Variants in ESF1 observed in about 807,000 individuals in gnomAD.
The protein encoded by ESF1 is ESF1 homolog.
Under a neutral mutation model 92.0 loss-of-function variants are expected in ESF1, and 58 were observed. The observed-to-expected ratio is 0.63, with a 90% CI of 0.51 to 0.78. The LOEUF is 0.78. Among genes scored for constraint, ESF1 ranks in the 30% least tolerant of loss-of-function variants. ESF1 has a pLI of 0.00. For synonymous variants in ESF1, 321 were observed against 313.7 expected (o/e 1.02, Z -0.24); for missense variants, 922 against 989.1 (o/e 0.93, Z 0.91).
intron 9 of ESF1, among the ~76,000 whole-genome samples, chr20:13,747,942 T>C (rs1030886065): frequency 6.6e-5 from 10 of 152,232 alleles, no homozygotes; most frequent in Admixed American, 1.3e-4. Context: ...CATGTTACTA[T>C]ACTGAATGCT....
chr20:13,727,266 T>C (rs2049906841), intron 11 of ESF1, among the ~76,000 whole-genome samples: 2 of 152,206 alleles, frequency 1.3e-5, no homozygotes, highest in Admixed American at 1.3e-4. Context: ...CACTCAGGTA[T>C]GATAAAAAGC....
chr20:13,741,777 T>C (rs1401986393), intron 9 of ESF1, among the ~76,000 whole-genome samples: 1 of 152,144 alleles, frequency 6.6e-6, no homozygotes, highest in Non-Finnish European at 1.5e-5. Flanking sequence ...TCTGACAATA[T>C]TAAAATCAAG....
intron 2 of ESF1, 81 bp downstream of exon 2, chr20:13,782,423 T>C (rs1166031082): frequency 7.6e-6 from 9 of 1,177,852 alleles, no homozygotes; most frequent in African/African-American, 1.6e-5. Flanking sequence ...AAAATACTTA[T>C]TAATGTGTTT....
Position 13,730,134 on chromosome 20 carries a change from G to A in ESF1, c.1951-1669C>T, listed in dbSNP as rs956735867. 4.6e-5 allele frequency among the ~76,000 whole-genome samples: 7 copies of A among 151,144 alleles called. No homozygotes were observed. In the South Asian group the frequency reaches 6.3e-4, roughly 14 times the overall value. Reference sequence around the variant, plus strand: ...GTTGCCCAGGCTGGCTTGCAGTGGCGTGACCTCAGTTCACTGCAACCTCTG... The same window carrying A: ...GTTGCCCAGGCTGGCTTGCAGTGGCATGACCTCAGTTCACTGCAACCTCTG... On this transcript the variant is annotated intron_variant, in intron 10 of 13. Transcript: ENST00000617257.
At position 13,714,939 on chromosome 20, in the gene ESF1, A is replaced by G. The variant is rs2049813075; in HGVS notation, c.2491T>C (p.Leu831=). The change falls in exon 14 of 14, where the codon TTG becomes CTG. Residue 831 remains leucine (L), a synonymous_variant. Coordinates refer to ENST00000617257, the MANE Select transcript of ESF1 (RefSeq NM_001276380.2). ...RKSIDPALSM[L]IKSIKTKTEQ... is the part of the protein sequence containing the mutation. ...GTTTTGGTTTTTATAGATTTAATCA[A>G]CATTGACAAAGCAGGATCAATGGAC... The G allele has an allele frequency of 6.2e-7, 1 of 1,613,736 alleles. No individual in the cohort carries two copies. Among genetic ancestry groups the G allele is most frequent in the East Asian group, 2.2e-5 (1 of 44,882 alleles).
At chr20:13,762,036 T>C (rs1165211234) in intron 8 of ESF1, among the ~76,000 whole-genome samples, 1 of 152,236 alleles carries the variant, frequency 6.6e-6, no homozygotes, top group Non-Finnish European at 1.5e-5. Context: ...GTTAACAGAT[T>C]GTCCTTGTAT....
chr20:13,720,954 C>A (rs2049864185), intron 11 of ESF1, among the ~76,000 whole-genome samples: 1 of 152,134 alleles, frequency 6.6e-6, no homozygotes, highest in African/African-American at 2.4e-5. Context: ...AACTCTGTCT[C>A]TATTAATAAT....
chr20:13,783,607 G>A (rs1424024330), intron 1 of ESF1, among the ~76,000 whole-genome samples: 1 of 152,178 alleles, frequency 6.6e-6, no homozygotes, highest in Non-Finnish European at 1.5e-5. Flanking sequence ...GATCACTTGA[G>A]CCCAGGAGTT....
chr20:13,715,117 G>A lies in ESF1; in HGVS notation c.2313C>T (p.Phe771=). 2.5e-6 allele frequency: 4 copies of A among 1,611,966 alleles called. No homozygotes were observed. The highest frequency in any genetic ancestry group is 3.4e-6 in the Non-Finnish European group (4 of 1,179,618). The change falls in exon 14 of 14, where the codon TTC becomes TTT. Residue 771 remains phenylalanine (F), a synonymous_variant. Transcript: ENST00000617257. Reference sequence around the variant, plus strand: ...AATTGGGATCTGAGGGGTCCAAATTGAACAAGTGGGAAGTGTACATTGCCT... The same window carrying A: ...AATTGGGATCTGAGGGGTCCAAATTAAACAAGTGGGAAGTGTACATTGCCT... ...RFQAMYTSHL[F]NLDPSDPNFK...
At chr20:13,784,275 T>C (rs1379596726) in intron 1 of ESF1, among the ~76,000 whole-genome samples, 1 of 100,816 alleles carries the variant, frequency 9.9e-6, no homozygotes, top group Admixed American at 1.4e-4. Context: ...AGTCGTTGAT[T>C]ATTAAGCAAC....
At chr20:13,758,907 T>C (rs1230566164) in intron 9 of ESF1, among the ~76,000 whole-genome samples, 2 of 152,226 alleles carry the variant, frequency 1.3e-5, no homozygotes, top group Non-Finnish European at 2.9e-5. Context: ...AAATCATGGA[T>C]AGTACTGAAT....
intron 2 of ESF1, among the ~76,000 whole-genome samples, chr20:13,776,665 A>T (rs552527007): frequency 1.3e-5 from 2 of 152,372 alleles, no homozygotes; most frequent in East Asian, 3.9e-4. Context: ...ATGGATATCA[A>T]ATAAAATCAA....
Position 13,783,034 on chromosome 20 carries a change from T to C in ESF1, c.107A>G (p.Lys36Arg). ...PEKDRKVKIDKRFRAMFHDKK... is the reference protein window; with the variant it reads ...PEKDRKVKIDRRFRAMFHDKK... ...GTCATGAAACATGGCTCGAAATCTC[T>C]TGTCAATTTTGACTTTTCGATCCTT... The change falls in exon 2 of 14, where the codon AAG becomes AGG. Residue 36 changes from lysine to arginine, a missense_variant. Physicochemically the swap from Lys to Arg is conservative, Grantham distance 26. Transcript: ENST00000617257. 1 of 1,614,174 alleles carries C rather than the reference T, an allele frequency of 6.2e-7. No homozygotes were observed. Among genetic ancestry groups the C allele is most frequent in the Non-Finnish European group, 8.5e-7 (1 of 1,180,032 alleles).
At position 13,766,886 on chromosome 20, in the gene ESF1, A is replaced by T. The variant is rs904229950; in HGVS notation, c.1557T>A (p.Ile519=). The T allele has an allele frequency of 1.9e-6, 3 of 1,613,738 alleles. No homozygotes were observed. Among genetic ancestry groups the T allele is most frequent in the African/African-American group, 2.7e-5 (2 of 75,038 alleles). Residue 519 remains isoleucine, a synonymous_variant, in exon 8 of 14, where the codon ATT becomes ATA. Transcript: ENST00000617257. ...TTTTAAACTTCCTGTTGAGCATTGT[A>T]ATTCTTTCATGATCAGTCTCATCCC... ...ITWDETDHER[I]TMLNRKFKKE...
chr20:13,784,507 T>A (rs1044318399), intron 1 of ESF1, among the ~76,000 whole-genome samples: 1 of 152,154 alleles, frequency 6.6e-6, no homozygotes, highest in Non-Finnish European at 1.5e-5. Context: ...GCACTCATTA[T>A]ATGTCAGATA....
chr20:13,750,758 A>G (rs1978596467), intron 9 of ESF1, among the ~76,000 whole-genome samples: 1 of 152,184 alleles, frequency 6.6e-6, no homozygotes, highest in Non-Finnish European at 1.5e-5. Context: ...GAGGGAGGAC[A>G]GCTTGAGGCC....
chr20:13,728,189 T>C (rs150792715), intron 11 of ESF1, among the ~76,000 whole-genome samples, 189 bp downstream of exon 11: 9 of 152,334 alleles, frequency 5.9e-5, no homozygotes, highest in Non-Finnish European at 1.0e-4. Flanking sequence ...CCCTTGTATG[T>C]AGAAGGGACA....
At chr20:13,721,255 C>T (rs1363205360) in intron 11 of ESF1, among the ~76,000 whole-genome samples, 1 of 152,142 alleles carries the variant, frequency 6.6e-6, no homozygotes, top group Non-Finnish European at 1.5e-5. Flanking sequence ...GGTCAATAAA[C>T]AGAAGGAAAT....
At chr20:13,767,981 T>C (rs1426252618) in intron 7 of ESF1, among the ~76,000 whole-genome samples, 1 of 152,210 alleles carries the variant, frequency 6.6e-6, no homozygotes, top group East Asian at 1.9e-4. Flanking sequence ...CTGTTGGAAC[T>C]AGGACAGATG....
Sources: allele counts gnomAD v4.1 joint callset (sites outside exome capture counted in the v4.1 genomes callset), GRCh38; gene constraint gnomAD v4.1.1; transcripts MANE v1.5; gene names NCBI Gene and HGNC (gene_info 2026-07-23, HGNC 2026-07-21).